The following SEC23IP variants were observed in gnomAD, a reference collection of about 807,000 sequenced individuals.
SEC23IP encodes the protein SEC23 interacting protein.
SEC23IP carries 70 observed loss-of-function variants against 113.4 expected under a neutral mutation model. The ratio of observed to expected loss-of-function variants is 0.62; its 90% confidence interval spans 0.51 to 0.75. The LOEUF is 0.75. Among genes scored for constraint, SEC23IP ranks in the 30% least tolerant of loss-of-function variants. SEC23IP has a pLI of 0.00. For synonymous variants in SEC23IP, 398 were observed against 421.0 expected, an observed-to-expected ratio of 0.95 and a Z score of 0.67; for missense variants, 1,160 against 1,204.9, an observed-to-expected ratio of 0.96 and a Z score of 0.55.
chr10:119,938,220 G>C (rs1021936826), intron 18 of SEC23IP, among the ~76,000 whole-genome samples: 1 of 152,050 alleles, frequency 6.6e-6, no homozygotes, highest in Non-Finnish European at 1.5e-5. Context: ...GCTGGTCACT[G>C]GGGGAGGGGC....
chr10:119,940,412 T>A (rs1327635218), intron 18 of SEC23IP, among the ~76,000 whole-genome samples, 174 bp from the exon 19 acceptor site: 1 of 151,882 alleles, frequency 6.6e-6, no homozygotes, highest in Admixed American at 6.6e-5. Flanking sequence ...TGGTCTCGAT[T>A]TCCTGACCTT....
At chr10:119,900,386 T>C (rs1200049910) in intron 2 of SEC23IP, among the ~76,000 whole-genome samples, 1 of 151,928 alleles carries the variant, frequency 6.6e-6, no homozygotes, top group African/African-American at 2.4e-5. Flanking sequence ...AACGGCTCAC[T>C]GTAGCCTCGA....
chr10:119,902,080 G>A (rs955457927), intron 2 of SEC23IP, among the ~76,000 whole-genome samples: 1 of 152,198 alleles, frequency 6.6e-6, no homozygotes, highest in African/African-American at 2.4e-5. Context: ...AAATAGGCCG[G>A]GTGTGGTGGC....
intron 6 of SEC23IP, among the ~76,000 whole-genome samples, chr10:119,913,392 C>T (rs562273927): frequency 4.6e-5 from 7 of 152,196 alleles, no homozygotes; most frequent in Non-Finnish European, 8.8e-5. Flanking sequence ...ATAGGCTTTG[C>T]AGGCCACATG....
intron 1 of SEC23IP, among the ~76,000 whole-genome samples, chr10:119,895,799 T>C (rs1181099816): frequency 6.6e-6 from 1 of 151,596 alleles, no homozygotes; most frequent in Non-Finnish European, 1.5e-5. Flanking sequence ...CCCTCTCTCC[T>C]GTCCCTTCAC....
intron 18 of SEC23IP, among the ~76,000 whole-genome samples, chr10:119,935,956 AT>A (rs1289306760): frequency 2.6e-5 from 4 of 152,330 alleles, no homozygotes; most frequent in Non-Finnish European, 5.9e-5. Flanking sequence ...TAGGTATTCC[AT>A]TGACTATTGC....
At chr10:119,932,106 C>A in intron 15 of SEC23IP, 27 bp from the exon 16 acceptor site, 1 of 1,494,610 alleles carries the variant, frequency 6.7e-7, no homozygotes, top group Non-Finnish European at 9.3e-7. Context: ...GACTAATTAA[C>A]TTGTTGTGTC....
chr10:119,927,309 C>T (rs959907906), intron 13 of SEC23IP, among the ~76,000 whole-genome samples: 2 of 152,196 alleles, frequency 1.3e-5, no homozygotes, highest in African/African-American at 4.8e-5. Flanking sequence ...TTTCTTAAGG[C>T]TGCCATAACA....
chr10:119,893,621 G>T (rs61870582), intron 1 of SEC23IP, among the ~76,000 whole-genome samples: 16,267 of 148,886 alleles, frequency 0.11, 933 homozygotes, highest in South Asian at 0.17. Context: ...CCAGGTTCAA[G>T]TGATTCTCCT....
At chr10:119,918,808 T>C (rs1855140884) in intron 10 of SEC23IP, among the ~76,000 whole-genome samples, 1 of 152,140 alleles carries the variant, frequency 6.6e-6, no homozygotes, top group African/African-American at 2.4e-5. Context: ...AAACTGGTTT[T>C]ACATATTAAA....
At chr10:119,900,515 G>A (rs1019050638) in intron 2 of SEC23IP, among the ~76,000 whole-genome samples, 1 of 151,844 alleles carries the variant, frequency 6.6e-6, no homozygotes, top group Non-Finnish European at 1.5e-5. Flanking sequence ...GTCTCACTAT[G>A]TTGCCCAGGC....
In SEC23IP at chr10:119,937,580, T is replaced by C. The variant is rs1855835991; in HGVS notation, c.*21-3006T>C. Among the ~76,000 whole-genome samples, 4 of 151,600 alleles carry C rather than the reference T, an allele frequency of 2.6e-5. No individual in the cohort carries two copies. The South Asian group carries it at 8.3e-4, about 32-fold the overall frequency. ...GGCGGAGGTTGCAGTGACCCTAGAT[T>C]GTGCCACTGCACTCCCACCTGGATG... is the stretch of plus-strand genomic sequence containing the variant. On this transcript the variant is annotated intron_variant, in intron 18 of 18. Coordinates refer to ENST00000369075, the MANE Select transcript of SEC23IP (RefSeq NM_007190.4).
At chr10:119,901,044 TGG>T (rs34956440) in intron 2 of SEC23IP, among the ~76,000 whole-genome samples, 7,344 of 42,998 alleles carry the variant, frequency 0.17, 612 homozygotes, top group East Asian at 0.51. Context: ...TTTTAAAGAG[TGG>T]GGGGGGGGTC....
chr10:119,933,885 C>A, intron 18 of SEC23IP, 98 bp downstream of exon 18: 1 of 537,338 alleles, frequency 1.9e-6, no homozygotes, highest in Non-Finnish European at 3.3e-6. Flanking sequence ...TTTTCTGTTT[C>A]CTCTGAGTTT....
intron 15 of SEC23IP, among the ~76,000 whole-genome samples, chr10:119,930,941 A>G (rs1855576462): frequency 6.6e-6 from 1 of 152,150 alleles, no homozygotes; most frequent in South Asian, 2.1e-4. Context: ...GGTGGAAGGG[A>G]TGGGAGGGGT....
At chr10:119,907,321 T>G (rs1460735196) in intron 4 of SEC23IP, among the ~76,000 whole-genome samples, 1 of 151,636 alleles carries the variant, frequency 6.6e-6, no homozygotes, top group Non-Finnish European at 1.5e-5. Flanking sequence ...GGAAGACTGA[T>G]GAAGAGGAAT....
At chr10:119,913,036 G>A (rs1489554891) in intron 6 of SEC23IP, among the ~76,000 whole-genome samples, 1 of 152,180 alleles carries the variant, frequency 6.6e-6, no homozygotes, top group African/African-American at 2.4e-5. Context: ...CAACATACCT[G>A]TATGTTTGTA....
At chr10:119,900,462 G>GCCAT (rs1241144773) in intron 2 of SEC23IP, among the ~76,000 whole-genome samples, 2 of 151,790 alleles carry the variant, frequency 1.3e-5, no homozygotes, top group Admixed American at 6.6e-5. Flanking sequence ...GGCACATGCT[G>GCCAT]CCATACCTGG....
intron 13 of SEC23IP, 148 bp downstream of exon 13, chr10:119,926,375 C>G (rs1207626740): frequency 1.6e-5 from 12 of 765,942 alleles, no homozygotes; most frequent in Non-Finnish European, 2.3e-5. Flanking sequence ...AAATTTTTTT[C>G]TTCTTCAACA....
Sources: allele counts gnomAD v4.1 joint callset (sites outside exome capture counted in the v4.1 genomes callset), GRCh38; gene constraint gnomAD v4.1.1; transcripts MANE v1.5; gene names NCBI Gene and HGNC (gene_info 2026-07-23, HGNC 2026-07-21).